The following GTPBP10 variants were observed in gnomAD, a reference collection of about 807,000 sequenced individuals.
The protein encoded by GTPBP10 is GTP-binding protein 10.
Under a neutral mutation model 44.8 loss-of-function variants are expected in GTPBP10, and 38 were observed. That is an observed-to-expected ratio of 0.85 (90% CI 0.65 to 1.11). The LOEUF (loss-of-function observed/expected upper bound fraction) is 1.11, where lower values mean the gene tolerates loss of function less well. GTPBP10 is among the 50% of genes most tolerant of loss of function. The pLI is 0.00. For synonymous variants in GTPBP10, 152 were observed against 150.6 expected, an observed-to-expected ratio of 1.01 and a Z score of -0.07; for missense variants, 462 against 453.7, an observed-to-expected ratio of 1.02 and a Z score of -0.17.
chr7:90,382,656 T>C (rs973259351), intron 8 of GTPBP10, among the ~76,000 whole-genome samples: 1 of 152,236 alleles, frequency 6.6e-6, no homozygotes, highest in Admixed American at 6.5e-5. Flanking sequence ...ACTACAGGTA[T>C]AACATTCAGT....
At chr7:90,351,039 G>A (rs1490423063) in intron 1 of GTPBP10, among the ~76,000 whole-genome samples, 1 of 152,176 alleles carries the variant, frequency 6.6e-6, no homozygotes, top group African/African-American at 2.4e-5. Context: ...AAGATGAACT[G>A]CTCATGGGGA....
At chr7:90,352,377 T>A (rs1340117479) in intron 1 of GTPBP10, among the ~76,000 whole-genome samples, 1 of 152,260 alleles carries the variant, frequency 6.6e-6, no homozygotes, top group Non-Finnish European at 1.5e-5. Context: ...AAGTTTCATA[T>A]TGGGGAATTT....
At position 90,389,383 on chromosome 7, in the gene GTPBP10, T is replaced by C. The variant is rs1209044628; in HGVS notation, c.*4229T>C. 1 of 143,804 alleles carries C rather than the reference T, an allele frequency of 7.0e-6. No homozygotes were observed. Among genetic ancestry groups the C allele is most frequent in the South Asian group, 2.2e-4 (1 of 4,462 alleles). 8.9% of individuals were successfully genotyped at this position (143,804 alleles called of 1,614,324 possible). A position where few individuals can be genotyped will look rare whatever the true frequency, so the allele number is the denominator to read the frequency against. ...AAACTCTTTTGGGAGCCTAAAAAATTTGAATTTTTTTTTTTCCCCCCCCAG... is the reference window on the plus strand; with the variant it reads ...AAACTCTTTTGGGAGCCTAAAAAATCTGAATTTTTTTTTTTCCCCCCCCAG... On this transcript the variant is annotated 3_prime_UTR_variant, in exon 10 of 10. Transcript: ENST00000222511.
chr7:90,346,848 C>T (rs1267640651), intron 1 of GTPBP10, 74 bp downstream of exon 1: 2 of 1,504,654 alleles, frequency 1.3e-6, no homozygotes, highest in Non-Finnish European at 1.8e-6. Flanking sequence ...CCTGTCTCTC[C>T]ACTACTGTCT....
chr7:90,368,512 G>A (rs373009736), intron 4 of GTPBP10, among the ~76,000 whole-genome samples: 1 of 151,644 alleles, frequency 6.6e-6, no homozygotes, highest in Non-Finnish European at 1.5e-5. Context: ...CTCTAATTTT[G>A]TCTTCTCGCT....
At chr7:90,372,065 C>T (rs1796266945) in intron 4 of GTPBP10, 90 bp from the exon 5 acceptor site, 14 of 718,544 alleles carry the variant, frequency 1.9e-5, no homozygotes, top group Admixed American at 5.7e-5. Context: ...ACTTTTAATC[C>T]CAAATATATT....
Position 90,387,578 on chromosome 7 carries a change from A to G in GTPBP10, c.*2424A>G, listed in dbSNP as rs755237124. On this transcript the variant is annotated 3_prime_UTR_variant, in exon 10 of 10. Coordinates refer to ENST00000222511, the MANE Select transcript of GTPBP10 (RefSeq NM_033107.4). ...GTTTTATTTTCTGTTCCTCACTCCT[A>G]CCTCTCATTCCAGTCCCCAAACTGG... 2.0e-5 allele frequency: 3 copies of G among 151,998 alleles called. No individual in the cohort carries two copies. Among genetic ancestry groups the G allele is most frequent in the Non-Finnish European group, 4.4e-5 (3 of 68,006 alleles). The allele number at this position is 151,998 out of a possible 1,614,324, so 9.4% of individuals were successfully genotyped here.
intron 4 of GTPBP10, among the ~76,000 whole-genome samples, chr7:90,360,464 A>T (rs1314738563): frequency 6.6e-6 from 1 of 151,988 alleles, no homozygotes; most frequent in Non-Finnish European, 1.5e-5. Flanking sequence ...GTGTGTTATT[A>T]TTTCTGAGGG....
intron 4 of GTPBP10, among the ~76,000 whole-genome samples, chr7:90,367,604 C>G (rs1796160715): frequency 6.6e-6 from 1 of 152,050 alleles, no homozygotes; most frequent in Non-Finnish European, 1.5e-5. Flanking sequence ...GATTGCAACC[C>G]CTGCCTTTTT....
chr7:90,360,950 T>C (rs1796007145), intron 4 of GTPBP10, among the ~76,000 whole-genome samples: 1 of 152,174 alleles, frequency 6.6e-6, no homozygotes, highest in African/African-American at 2.4e-5. Context: ...CTGTTATTGG[T>C]GTATAAGAAT....
intron 8 of GTPBP10, 50 bp downstream of exon 8, chr7:90,378,261 T>C (rs780678923): frequency 6.5e-7 from 1 of 1,542,794 alleles, no homozygotes; most frequent in South Asian, 1.2e-5. Flanking sequence ...TACATAGGAA[T>C]GTAAGACTAT....
At chr7:90,359,255 C>G (rs1795966584) in intron 4 of GTPBP10, among the ~76,000 whole-genome samples, 1 of 152,062 alleles carries the variant, frequency 6.6e-6, no homozygotes. Flanking sequence ...ATCAACTCGT[C>G]ATTTACATTA....
Position 90,373,726 on chromosome 7 carries a change from C to T in GTPBP10, c.539-576C>T, listed in dbSNP as rs1303631631. 3.3e-5 allele frequency among the ~76,000 whole-genome samples: 5 copies of T among 152,244 alleles called. 1 individual carries two copies. Among genetic ancestry groups the T allele is most frequent in the Admixed American group, 2.0e-4 (3 of 15,290 alleles). ...CCAGTGATAGAAACTTAATATCTGA[C>T]CCTCCTGAACATCTATCACTCACCT... On this transcript the variant is annotated intron_variant, in intron 5 of 9. Transcript: ENST00000222511.
At chr7:90,362,960 G>C (rs1370729745) in intron 4 of GTPBP10, among the ~76,000 whole-genome samples, 1 of 152,040 alleles carries the variant, frequency 6.6e-6, no homozygotes, top group Non-Finnish European at 1.5e-5. Context: ...TGCAACCCCT[G>C]CCTTTTTTTT....
At chr7:90,361,848 T>C (rs1018523645) in intron 4 of GTPBP10, among the ~76,000 whole-genome samples, 1 of 152,180 alleles carries the variant, frequency 6.6e-6, no homozygotes, top group Non-Finnish European at 1.5e-5. Flanking sequence ...TTCTTCCTGG[T>C]TTAGTCTTGG....
chr7:90,360,607 G>A (rs1427332266), intron 4 of GTPBP10, among the ~76,000 whole-genome samples: 2 of 152,184 alleles, frequency 1.3e-5, no homozygotes, highest in African/African-American at 4.8e-5. Flanking sequence ...GCTTAGGATT[G>A]ACTTGGCAAT....
intron 7 of GTPBP10, 123 bp from the exon 8 acceptor site, chr7:90,378,011 A>G (rs757587093): frequency 9.1e-6 from 11 of 1,211,354 alleles, no homozygotes; most frequent in Non-Finnish European, 1.1e-5. Context: ...TTGAATTACT[A>G]AGTAACAAGT....
intron 1 of GTPBP10, among the ~76,000 whole-genome samples, chr7:90,351,645 C>G (rs1176985859): frequency 6.6e-6 from 1 of 152,162 alleles, no homozygotes; most frequent in Non-Finnish European, 1.5e-5. Flanking sequence ...CAGCTCAAAC[C>G]AGTGTTGTTC....
At position 90,364,491 on chromosome 7, in the gene GTPBP10, G is replaced by A. The variant is rs563055474; in HGVS notation, c.465-7664G>A. Among the ~76,000 whole-genome samples, 219 of 152,278 alleles carry A rather than the reference G, an allele frequency of 1.4e-3. 1 individual carries two copies. Among genetic ancestry groups the A allele is most frequent in the African/African-American group, 5.1e-3 (213 of 41,564 alleles). ...AATGTTGCTGCCTGATCGTTCCTCT[G>A]GAAGCTTCATCTCAGGGGTACCTGG... On this transcript the variant is annotated intron_variant, in intron 4 of 9. Coordinates refer to ENST00000222511, the MANE Select transcript of GTPBP10 (RefSeq NM_033107.4).
Sources: allele counts gnomAD v4.1 joint callset (sites outside exome capture counted in the v4.1 genomes callset), GRCh38; gene constraint gnomAD v4.1.1; transcripts MANE v1.5; gene names NCBI Gene and HGNC (gene_info 2026-07-23, HGNC 2026-07-21).